Variants in HTRA1 observed in about 807,000 individuals in gnomAD.
The protein encoded by HTRA1 is serine protease HTRA1.
A neutral mutation model predicts 49.7 loss-of-function variants in HTRA1; 26 were observed. That is an observed-to-expected ratio of 0.52 (90% confidence interval 0.38 to 0.73). The LOEUF is 0.73. Ranked by LOEUF, HTRA1 falls within the 30% of genes least tolerant of loss-of-function variation. The pLI, the probability that HTRA1 is intolerant of heterozygous loss-of-function variation, is 0.00. For synonymous variants in HTRA1, 291 were observed against 286.9 expected, an observed-to-expected ratio of 1.01 and a Z score of -0.14; for missense variants, 561 against 667.2, an observed-to-expected ratio of 0.84 and a Z score of 1.75.
intron 1 of HTRA1, among the ~76,000 whole-genome samples, chr10:122,483,331 A>G (rs2097491813): frequency 6.6e-6 from 1 of 151,980 alleles, no homozygotes; most frequent in Non-Finnish European, 1.5e-5. Context: ...CAATTTTTAA[A>G]CTATAAAGTT....
chr10:122,461,568 C>A lies in HTRA1; in HGVS notation c.-85C>A. 1.3e-6 allele frequency: 1 copy of A among 788,884 alleles called. No individual in the cohort carries two copies. The highest frequency in any genetic ancestry group is 1.7e-6 in the Non-Finnish European group (1 of 572,580). The allele number at this position is 788,884 out of a possible 1,614,324, so 48.9% of individuals were successfully genotyped here. ...GGCCGCGCGCACTCGCACCCGCTGCCCCCGAGGCCCTCCTGCACTCTCCCC... is the reference window on the plus strand; with the variant it reads ...GGCCGCGCGCACTCGCACCCGCTGCACCCGAGGCCCTCCTGCACTCTCCCC... On this transcript the variant is annotated 5_prime_UTR_variant, in exon 1 of 9. Transcript: ENST00000368984.
At chr10:122,488,846 T>G (rs2097494341) in intron 1 of HTRA1, 56 bp from the exon 2 acceptor site, 2 of 1,377,374 alleles carry the variant, frequency 1.5e-6, no homozygotes, top group African/African-American at 2.8e-5. Context: ...CATGTCTTTC[T>G]CTAGGTGGCC....
intron 7 of HTRA1, among the ~76,000 whole-genome samples, chr10:122,511,329 AC>A (rs2097505465): frequency 6.6e-6 from 1 of 152,200 alleles, no homozygotes; most frequent in African/African-American, 2.4e-5. Flanking sequence ...AAGTTAAGCA[AC>A]TGTCCGAGGT....
intron 1 of HTRA1, among the ~76,000 whole-genome samples, chr10:122,482,302 G>A (rs1312969960): frequency 6.6e-6 from 1 of 152,102 alleles, no homozygotes; most frequent in African/African-American, 2.4e-5. Flanking sequence ...TGTGGTACAT[G>A]CTTTTTATCA....
intron 1 of HTRA1, among the ~76,000 whole-genome samples, chr10:122,478,262 G>A (rs891944275): frequency 2.6e-5 from 4 of 152,006 alleles, no homozygotes; most frequent in African/African-American, 7.2e-5. Flanking sequence ...GCTTGCCTGG[G>A]CTGCACAGCT....
Position 122,506,738 on chromosome 10 carries a change from G to A in HTRA1, c.825G>A (p.Pro275=), listed in dbSNP as rs746704490. Residue 275 remains proline, a synonymous_variant, in exon 4 of 9, where the codon CCG becomes CCA. Coordinates refer to ENST00000368984, the MANE Select transcript of HTRA1 (RefSeq NM_002775.5). The surrounding 1 kb of genome is among the most constrained non-coding windows in gnomAD (Gnocchi z 5.2). The part of the protein sequence containing the change: ...LLLGRSSELR[P]GEFVVAIGSP... ...TTGGCCGCTCCTCAGAGCTGCGGCC[G>A]GGAGAGTTCGTGGTCGCCATCGGAA... The A allele has an allele frequency of 1.6e-5, 26 of 1,613,694 alleles. No homozygotes were observed. The highest frequency in any genetic ancestry group is 2.2e-5 in the South Asian group (2 of 91,080).
chr10:122,498,868 G>GA (rs2097499774), intron 3 of HTRA1, among the ~76,000 whole-genome samples: 1 of 152,192 alleles, frequency 6.6e-6, no homozygotes, highest in Non-Finnish European at 1.5e-5. Context: ...GCTCAGGCTG[G>GA]ATTCCTCCTG....
chr10:122,483,036 C>G lies in HTRA1; in HGVS notation c.473-5866C>G, dbSNP rs190418481. 1.4e-3 allele frequency among the ~76,000 whole-genome samples: 211 copies of G among 150,978 alleles called. 2 individuals are homozygous for G. The highest frequency in any genetic ancestry group is 3.7e-4 in the Non-Finnish European group (25 of 67,852). On this transcript the variant is annotated intron_variant, in intron 1 of 8. Transcript: ENST00000368984. The stretch of plus-strand genomic sequence containing the variant: ...CCCCATACTGTGATTTTCATTTTTA[C>G]TGCAACAAATTTTGTTCAGTGTGAT...
At chr10:122,467,051 C>T (rs1163166115) in intron 1 of HTRA1, among the ~76,000 whole-genome samples, 5 of 152,092 alleles carry the variant, frequency 3.3e-5, no homozygotes, top group Admixed American at 6.5e-5. Flanking sequence ...GTGATGGTGG[C>T]GGGCACCATG....
chr10:122,473,487 G>C (rs1011196095), intron 1 of HTRA1, among the ~76,000 whole-genome samples: 2 of 152,146 alleles, frequency 1.3e-5, no homozygotes, highest in Non-Finnish European at 2.9e-5. Context: ...ATAGGCAGAA[G>C]TATAACAGGA....
At position 122,486,740 on chromosome 10, in the gene HTRA1, G is replaced by A. The variant is rs548136662; in HGVS notation, c.473-2162G>A. Among the ~76,000 whole-genome samples, 11 of 97,216 alleles carry A rather than the reference G, an allele frequency of 1.1e-4. No individual in the cohort carries two copies. The East Asian group carries it at 2.4e-3, about 21-fold the overall frequency. The allele number at this position is 97,216 out of a possible 152,430, so 63.8% of individuals were successfully genotyped here. ...TTGCCACTCTAGTGATGAGAGAGGC[G>A]TGTGTGTGTGTGTGTGTATGCGTCT... is the stretch of plus-strand genomic sequence containing the variant. On this transcript the variant is annotated intron_variant, in intron 1 of 8. Coordinates refer to ENST00000368984, the MANE Select transcript of HTRA1 (RefSeq NM_002775.5).
At chr10:122,475,901 C>G (rs781572059) in intron 1 of HTRA1, among the ~76,000 whole-genome samples, 6 of 152,202 alleles carry the variant, frequency 3.9e-5, no homozygotes, top group Admixed American at 2.6e-4. Context: ...GGGCTGGAGC[C>G]GTGGCTGACA....
chr10:122,485,599 G>A (rs1463370359), intron 1 of HTRA1, among the ~76,000 whole-genome samples: 1 of 152,200 alleles, frequency 6.6e-6, no homozygotes, highest in East Asian at 1.9e-4. Context: ...CAGTGGCCAG[G>A]CCAGATCCTC....
At position 122,510,135 on chromosome 10, in the gene HTRA1, T is replaced by C. The variant is rs923510635; in HGVS notation, c.1160T>C (p.Met387Thr). The C allele has an allele frequency of 3.1e-6, 5 of 1,613,960 alleles. No individual in the cohort carries two copies. Among genetic ancestry groups the C allele is most frequent in the East Asian group, 4.5e-5 (2 of 44,882 alleles). Residue 387 changes from methionine to threonine, a missense_variant, in exon 7 of 9, where the codon ATG (methionine) becomes ACG (threonine). Met to Thr is a moderately conservative substitution (Grantham distance 81, BLOSUM62 -1). Coordinates refer to ENST00000368984, the MANE Select transcript of HTRA1 (RefSeq NM_002775.5). ...AAGAAGAAGTATATTGGTATCCGAA[T>C]GATGTCACTCACGTCCAGGTGGGTA... is the stretch of plus-strand genomic sequence containing the variant. ...ITKKKYIGIR[M>T]MSLTSSKAKE... is the part of the protein sequence containing the mutation.
At chr10:122,462,765 C>T (rs919382831) in intron 1 of HTRA1, among the ~76,000 whole-genome samples, 2 of 152,214 alleles carry the variant, frequency 1.3e-5, no homozygotes, top group African/African-American at 2.4e-5. Context: ...GCCAGCCCTA[C>T]AAAAATGAAA....
At chr10:122,478,769 T>A (rs2097489752) in intron 1 of HTRA1, among the ~76,000 whole-genome samples, 1 of 152,042 alleles carries the variant, frequency 6.6e-6, no homozygotes, top group Non-Finnish European at 1.5e-5. Context: ...AAATCTGGAT[T>A]TGGGGTATTA....
intron 3 of HTRA1, among the ~76,000 whole-genome samples, chr10:122,505,373 C>T (rs1405827604): frequency 6.6e-6 from 1 of 152,164 alleles, no homozygotes; most frequent in Non-Finnish European, 1.5e-5. Context: ...CGTGAGCTTT[C>T]TCACCCAGCA....
chr10:122,492,911 G>GCTGT (rs2133440645), intron 3 of HTRA1, among the ~76,000 whole-genome samples: 1 of 152,298 alleles, frequency 6.6e-6, no homozygotes, highest in South Asian at 2.1e-4. Context: ...TGGTGAAGCT[G>GCTGT]CTGTAGCCCC....
chr10:122,475,784 G>A (rs1706240004), intron 1 of HTRA1, among the ~76,000 whole-genome samples: 1 of 152,206 alleles, frequency 6.6e-6, no homozygotes, highest in Non-Finnish European at 1.5e-5. Flanking sequence ...GGAATGTGCA[G>A]TACCAGCAGC....
Sources: allele counts gnomAD v4.1 joint callset (sites outside exome capture counted in the v4.1 genomes callset), GRCh38; gene constraint gnomAD v4.1.1; non-coding constraint Gnocchi (gnomAD v3.1); transcripts MANE v1.5; gene names NCBI Gene and HGNC (gene_info 2026-07-23, HGNC 2026-07-21).